The following MSI2 variants were observed in gnomAD, a reference collection of about 807,000 sequenced individuals.
The protein encoded by MSI2 is musashi RNA binding protein 2.
MSI2 carries 17 observed loss-of-function variants against 45.6 expected under a neutral mutation model. The observed-to-expected ratio is 0.37, with a 90% CI of 0.26 to 0.56. The LOEUF (loss-of-function observed/expected upper bound fraction) is 0.56, where lower values mean the gene tolerates loss of function less well. Ranked by LOEUF, MSI2 falls within the 20% of genes least tolerant of loss-of-function variation. MSI2 has a pLI of 0.77. For missense variants in MSI2, 293 were observed against 444.2 expected (o/e 0.66, Z 3.06); for synonymous variants, 156 against 158.2 (o/e 0.99, Z 0.11).
intron 5 of MSI2, among the ~76,000 whole-genome samples, chr17:57,328,570 C>T (rs978631616): frequency 6.6e-6 from 1 of 152,120 alleles, no homozygotes; most frequent in African/African-American, 2.4e-5. Context: ...AAGTTGCTCC[C>T]AGTGCAGTTT....
chr17:57,342,055 A>C (rs941712372), intron 5 of MSI2, among the ~76,000 whole-genome samples: 5 of 152,172 alleles, frequency 3.3e-5, no homozygotes, highest in Non-Finnish European at 7.3e-5. Flanking sequence ...CTGTTTTCTA[A>C]AAGAAAAAAG....
chr17:57,372,142 T>A (rs925807421), intron 5 of MSI2, among the ~76,000 whole-genome samples: 2 of 152,186 alleles, frequency 1.3e-5, no homozygotes, highest in African/African-American at 4.8e-5. Flanking sequence ...AGGCTTAATT[T>A]AAAAAGATTG....
intron 6 of MSI2, among the ~76,000 whole-genome samples, chr17:57,459,556 G>C (rs1160952219): frequency 6.6e-6 from 1 of 152,208 alleles, no homozygotes; most frequent in Non-Finnish European, 1.5e-5. Context: ...TGTTTGATTA[G>C]AGCAGCTTTT....
At chr17:57,394,014 G>C (rs753633399) in intron 5 of MSI2, among the ~76,000 whole-genome samples, 4 of 152,196 alleles carry the variant, frequency 2.6e-5, no homozygotes, top group Non-Finnish European at 5.9e-5. Context: ...TTGTGGAGTT[G>C]ACAGACAACG....
chr17:57,322,752 C>T (rs1270691188), intron 5 of MSI2, among the ~76,000 whole-genome samples: 1 of 152,216 alleles, frequency 6.6e-6, no homozygotes, highest in Non-Finnish European at 1.5e-5. Context: ...TTGTTGACAG[C>T]AGACAGCTTC....
At chr17:57,547,710 G>C (rs2144162441) in intron 7 of MSI2, among the ~76,000 whole-genome samples, 1 of 144,506 alleles carries the variant, frequency 6.9e-6, no homozygotes, top group Non-Finnish European at 1.5e-5. Flanking sequence ...GGATCCATTT[G>C]GTGATGTTTA....
intron 7 of MSI2, among the ~76,000 whole-genome samples, chr17:57,554,163 C>T (rs536397449): frequency 8.7e-4 from 131 of 150,292 alleles, no homozygotes; most frequent in Non-Finnish European, 1.5e-3. Flanking sequence ...TTTGTTGCCA[C>T]GGCAACAGGC....
intron 7 of MSI2, among the ~76,000 whole-genome samples, chr17:57,534,587 C>T (rs1184518236): frequency 6.9e-6 from 1 of 145,062 alleles, no homozygotes; most frequent in East Asian, 2.3e-4. Context: ...TGGTGGGTGC[C>T]TCCTGAAATC....
At chr17:57,688,861 A>G (rs1379478815), downstream of MSI2, among the ~76,000 whole-genome samples, 11 of 152,156 alleles carry the variant, frequency 7.2e-5, no homozygotes, top group South Asian at 2.1e-4. Flanking sequence ...TTCACTGAAA[A>G]TTCTGTAAGA....
intron 6 of MSI2, among the ~76,000 whole-genome samples, chr17:57,461,535 T>A (rs2085228883): frequency 1.2e-4 from 1 of 8,498 alleles, no homozygotes; most frequent in Admixed American, 4.1e-3. Context: ...ACTCTTGGAT[T>A]TTTTTTTTTT....
At chr17:57,281,578 G>A (rs970761975) in intron 5 of MSI2, among the ~76,000 whole-genome samples, 4 of 152,058 alleles carry the variant, frequency 2.6e-5, no homozygotes, top group Non-Finnish European at 5.9e-5. Context: ...CTCTTTCTTC[G>A]AGCAGAACCC....
intron 4 of MSI2, among the ~76,000 whole-genome samples, chr17:57,259,444 T>C (rs1035456901): frequency 1.3e-5 from 2 of 152,190 alleles, no homozygotes; most frequent in African/African-American, 4.8e-5. Context: ...GGCTTTAACA[T>C]TGAATGGAAG....
intron 7 of MSI2, among the ~76,000 whole-genome samples, chr17:57,544,777 A>G (rs1261569150): frequency 6.6e-6 from 1 of 152,198 alleles, no homozygotes; most frequent in African/African-American, 2.4e-5. Flanking sequence ...CCATTACCAA[A>G]GGGAGCTTGG....
intron 5 of MSI2, among the ~76,000 whole-genome samples, chr17:57,399,522 G>C (rs568044758): frequency 1.1e-3 from 172 of 151,436 alleles, no homozygotes; most frequent in Non-Finnish European, 2.1e-3. Context: ...CCAAGTTTGG[G>C]GTCAACCAGC....
intron 7 of MSI2, among the ~76,000 whole-genome samples, chr17:57,560,105 G>A (rs1363533226): frequency 1.3e-5 from 2 of 152,272 alleles, no homozygotes; most frequent in Admixed American, 1.3e-4. Flanking sequence ...TGGGGCAATG[G>A]AGGAGACTGT....
chr17:57,532,687 T>TA (rs1335774854), intron 7 of MSI2, among the ~76,000 whole-genome samples: 1 of 152,200 alleles, frequency 6.6e-6, no homozygotes, highest in Non-Finnish European at 1.5e-5. Context: ...GCCCCAAACT[T>TA]ACCTTCACCT....
intron 6 of MSI2, among the ~76,000 whole-genome samples, chr17:57,455,522 A>G (rs1009719978): frequency 3.3e-5 from 5 of 152,192 alleles, no homozygotes; most frequent in Non-Finnish European, 7.3e-5. Flanking sequence ...TATGAATTAA[A>G]GATTACAGCC....
intron 6 of MSI2, among the ~76,000 whole-genome samples, chr17:57,455,116 T>G (rs1234393702): frequency 6.6e-6 from 1 of 152,100 alleles, no homozygotes; most frequent in Admixed American, 6.5e-5. Context: ...TGACTTCGAG[T>G]TCCCTCCTCA....
At chr17:57,506,583 C>T (rs751555224) in intron 6 of MSI2, among the ~76,000 whole-genome samples, 1 of 152,192 alleles carries the variant, frequency 6.6e-6, no homozygotes, top group Non-Finnish European at 1.5e-5. Context: ...GCCATTTTGT[C>T]TTGGCAGGTC....
Sources: allele counts gnomAD v4.1 joint callset (sites outside exome capture counted in the v4.1 genomes callset), GRCh38; gene constraint gnomAD v4.1.1; transcripts MANE v1.5; gene names NCBI Gene and HGNC (gene_info 2026-07-23, HGNC 2026-07-21).